Variants in LBX2 observed in about 807,000 individuals in gnomAD.
LBX2 encodes the protein ladybird homeobox 2, also known as transcription factor LBX2.
LBX2 carries 6 observed loss-of-function variants against 7.5 expected under a neutral mutation model. The observed-to-expected ratio is 0.80, with a 90% CI of 0.44 to 1.59. LBX2 has a LOEUF of 1.59. LBX2 is among the 40% of genes most tolerant of loss of function. LBX2 has a pLI of 0.01. For synonymous variants in LBX2, 143 were observed against 133.2 expected (o/e 1.07, Z -0.51); for missense variants, 281 against 282.0 (o/e 1.00, Z 0.03).
At chr2:74,502,864 C>T, upstream of LBX2, 1 of 1,591,834 alleles carries the variant, frequency 6.3e-7, no homozygotes, top group Non-Finnish European at 8.6e-7. This position sits in a 1 kb window ranked among gnomAD's most constrained non-coding sequence, Gnocchi z 5.4. Context: ...TCCCATCAAG[C>T]CCTGGGAAAG....
In LBX2 at chr2:74,498,253, C is replaced by G. The variant is rs1366518439; in HGVS notation, c.271G>C (p.Ala91Pro). 3.1e-6 allele frequency: 5 copies of G among 1,599,750 alleles called. No individual in the cohort carries two copies. Among genetic ancestry groups the G allele is most frequent in the Non-Finnish European group, 4.3e-6 (5 of 1,176,378 alleles). The change falls in exon 2 of 2, where the codon GCG (alanine) becomes CCG (proline). Residue 91 changes from alanine (A) to proline (P), a missense_variant. Coordinates refer to ENST00000377566, the MANE Select transcript of LBX2 (RefSeq NM_001282430.2). ...TCCAGCACCTGTTGCGCGGTGAACG[C>G]AGTGCGTGACTTGCGCCGTTTGCGG... ...FGRKRRKSRTAFTAQQVLELE... is the reference protein window; with the variant it reads ...FGRKRRKSRTPFTAQQVLELE...
upstream of LBX2, among the ~76,000 whole-genome samples, chr2:74,499,899 A>G (rs1287942875): frequency 6.6e-6 from 1 of 152,166 alleles, no homozygotes; most frequent in Non-Finnish European, 1.5e-5. The surrounding 1 kb of genome is among the most constrained non-coding windows in gnomAD (Gnocchi z 4.6). Flanking sequence ...CTCCCCGCCT[A>G]GCCGCCGCTC....
At chr2:74,498,521 G>A (rs541372740) in intron 1 of LBX2, among the ~76,000 whole-genome samples, 29 of 152,250 alleles carry the variant, frequency 1.9e-4, no homozygotes, top group Non-Finnish European at 3.8e-4. Context: ...CTGGCCACAG[G>A]GGTGCGAAAG....
At chr2:74,502,848 C>T (rs142834208), upstream of LBX2, 3 of 1,600,672 alleles carry the variant, frequency 1.9e-6, no homozygotes, top group African/African-American at 1.3e-5. This position sits in a 1 kb window ranked among gnomAD's most constrained non-coding sequence, Gnocchi z 5.4. Flanking sequence ...CTAGGGAAGT[C>T]CTTTTTCCCA....
chr2:74,499,703 G>C, upstream of LBX2: 1 of 675,066 alleles, frequency 1.5e-6, no homozygotes, highest in Non-Finnish European at 2.5e-6. The surrounding 1 kb of genome is among the most constrained non-coding windows in gnomAD (Gnocchi z 4.6). Context: ...CTCCACCCCG[G>C]GCCGCGGTGG....
rs372670780 is a variant in LBX2 at position 74,498,181 on chromosome 2, G to T, written c.343C>A (p.Arg115=). ...CCGAGTCGCGTAGCTAGCCCGTCTC[G>T]CTCGGACGGCGCCAGGTACTTCTGG... The part of the protein sequence containing the change: ...VFQKYLAPSE[R]DGLATRLGLA... The change falls in exon 2 of 2, where the codon CGA becomes AGA. Residue 115 remains arginine (R), a synonymous_variant. Transcript: ENST00000377566. 1 of 1,612,318 alleles carries T rather than the reference G, an allele frequency of 6.2e-7. No homozygotes were observed. Among genetic ancestry groups the T allele is most frequent in the Non-Finnish European group, 8.5e-7 (1 of 1,179,516 alleles).
chr2:74,503,202 G>C, upstream of LBX2: 1 of 255,234 alleles, frequency 3.9e-6, no homozygotes, highest in East Asian at 9.0e-5. This position sits in a 1 kb window ranked among gnomAD's most constrained non-coding sequence, Gnocchi z 5.1. Flanking sequence ...GGCACAGACG[G>C]AGACCCGAGT....
At chr2:74,502,513 C>A, upstream of LBX2, 1 of 713,628 alleles carries the variant, frequency 1.4e-6, no homozygotes, top group Non-Finnish European at 2.3e-6. This position sits in a 1 kb window ranked among gnomAD's most constrained non-coding sequence, Gnocchi z 5.4. Flanking sequence ...GTCCGTGAAC[C>A]GGAGTGAGAG....
chr2:74,502,970 CGGG>C, upstream of LBX2: 1 of 933,076 alleles, frequency 1.1e-6, no homozygotes, highest in South Asian at 1.7e-5. The surrounding 1 kb of genome is among the most constrained non-coding windows in gnomAD (Gnocchi z 5.4). Context: ...CTGGAAATGG[CGGG>C]GGTGAGGAAG....
Position 74,499,316 on chromosome 2 carries a change from C to T in LBX2, c.205+17G>A. 1 of 1,548,058 alleles carries T rather than the reference C, an allele frequency of 6.5e-7. No homozygotes were observed. Among genetic ancestry groups the T allele is most frequent in the African/African-American group, 1.4e-5 (1 of 73,136 alleles). On this transcript the variant is annotated intron_variant, in intron 1 of 1. Transcript: ENST00000377566. The surrounding 1 kb of genome is among the most constrained non-coding windows in gnomAD (Gnocchi z 4.6). ...GAAAAGGCTAAGTCAGAGTCCGCGA[C>T]CTTGCCGGCTCTATACCTTCAGAGG...
rs554088544 is a variant in LBX2, at chr2:74,497,618, G to A, written c.*309C>T. 64 of 319,792 alleles carry A rather than the reference G, an allele frequency of 2.0e-4. No individual in the cohort carries two copies. Among genetic ancestry groups the A allele is most frequent in the South Asian group, 3.7e-4 (3 of 8,058 alleles). The allele number at this position is 319,792 out of a possible 1,614,324, so 19.8% of individuals were successfully genotyped here. A position where few individuals can be genotyped will look rare whatever the true frequency, so the allele number is the denominator to read the frequency against. On this transcript the variant is annotated 3_prime_UTR_variant, in exon 2 of 2. Transcript: ENST00000377566. ...AAAAAAGTTTTTTAAATTAGCCTGG[G>A]GTGGTGCTGCACGCCTGTAATGCCA... is the stretch of plus-strand genomic sequence containing the variant.
chr2:74,499,758 G>A (rs1674446360), upstream of LBX2: 13 of 597,820 alleles, frequency 2.2e-5, no homozygotes, highest in East Asian at 3.7e-4. The surrounding 1 kb of genome is among the most constrained non-coding windows in gnomAD (Gnocchi z 4.6). Context: ...CTACAGGCTG[G>A]GGCAGGCGCG....
At position 74,498,268 on chromosome 2, in the gene LBX2, GCC is replaced by G; in HGVS notation, c.254_255del (p.Arg85ProfsTer99). 1 of 1,586,276 alleles carries G rather than the reference GCC, an allele frequency of 6.3e-7. No individual in the cohort carries two copies. The highest frequency in any genetic ancestry group is 8.5e-7 in the Non-Finnish European group (1 of 1,170,154). ...GCGGTGAACGCAGTGCGTGACTTGC[GCC>G]GTTTGCGGCCGAAGGGACCAGGGCC... ...ALGPGPFGRK[R>X]RKSRTAFTAQ... On this transcript the variant is annotated frameshift_variant, in exon 2 of 2. Transcript: ENST00000377566. LOFTEE classifies it low-confidence loss of function (END_TRUNC).
At position 74,499,276 on chromosome 2, in the gene LBX2, G is replaced by C; in HGVS notation, c.205+57C>G. The C allele has an allele frequency of 1.4e-6, 2 of 1,426,148 alleles. No homozygotes were observed. The highest frequency in any genetic ancestry group is 1.9e-6 in the Non-Finnish European group (2 of 1,034,854). 88.3% of individuals were successfully genotyped at this position (1,426,148 alleles called of 1,614,324 possible). On this transcript the variant is annotated intron_variant, in intron 1 of 1. Transcript: ENST00000377566. This position sits in a 1 kb window ranked among gnomAD's most constrained non-coding sequence, Gnocchi z 4.6. ...ACAAAGGTTTGAGACGGGGAACCAG[G>C]AGGAGAGAGGTGAGGAAAAGGCTAA... is the stretch of plus-strand genomic sequence containing the variant.
Position 74,499,143 on chromosome 2 carries a change from C to T in LBX2, c.205+190G>A, listed in dbSNP as rs535413253. On this transcript the variant is annotated intron_variant, in intron 1 of 1. Transcript: ENST00000377566. This position sits in a 1 kb window ranked among gnomAD's most constrained non-coding sequence, Gnocchi z 4.6. Reference sequence around the variant, plus strand: ...CTTGGCACTGGCGGCCTTCCGGAGCCGCCGCGGAACCTAGGGACTAACGGA... The same window carrying T: ...CTTGGCACTGGCGGCCTTCCGGAGCTGCCGCGGAACCTAGGGACTAACGGA... 1.6e-6 allele frequency: 1 copy of T among 618,224 alleles called. No homozygotes were observed. The highest frequency in any genetic ancestry group is 2.8e-5 in the East Asian group (1 of 36,226). The allele number at this position is 618,224 out of a possible 1,614,324, so 38.3% of individuals were successfully genotyped here.
At chr2:74,502,672 G>A (rs554142191), upstream of LBX2, 5 of 1,613,906 alleles carry the variant, frequency 3.1e-6, no homozygotes, top group African/African-American at 5.3e-5. This position sits in a 1 kb window ranked among gnomAD's most constrained non-coding sequence, Gnocchi z 5.4. Context: ...GTGACTTTGG[G>A]GGCGGCAGGC....
Position 74,499,344 on chromosome 2 carries a change from T to G in LBX2, c.194A>C (p.Gln65Pro). The G allele has an allele frequency of 6.4e-7, 1 of 1,550,594 alleles. No homozygotes were observed. Among genetic ancestry groups the G allele is most frequent in the Non-Finnish European group, 8.7e-7 (1 of 1,146,982 alleles). Residue 65 changes from glutamine to proline, a missense_variant, in exon 1 of 2, where the codon CAG becomes CCG. Physicochemically the swap from Gln to Pro is moderately conservative, Grantham distance 76. Transcript: ENST00000377566. The surrounding 1 kb of genome is among the most constrained non-coding windows in gnomAD (Gnocchi z 4.6). ...TFRGLDARAL[Q>P]PSEGRAGPDA... ...TGCCGGCTCTATACCTTCAGAGGGC[T>G]GCAGAGCGCGCGCGTCAAGTCCGCG... is the stretch of plus-strand genomic sequence containing the variant.
intron 1 of LBX2, 84 bp from the exon 2 acceptor site, chr2:74,498,402 C>A (rs1674409191): frequency 1.8e-6 from 2 of 1,116,400 alleles, no homozygotes; most frequent in South Asian, 1.7e-5. Flanking sequence ...GGGGTCGGGC[C>A]GGTGGCGGTG....
upstream of LBX2, chr2:74,503,100 C>G: frequency 2.1e-6 from 1 of 474,988 alleles, no homozygotes; most frequent in East Asian, 3.6e-5. This position sits in a 1 kb window ranked among gnomAD's most constrained non-coding sequence, Gnocchi z 5.1. Context: ...CTGCCGCCAC[C>G]TCTCCTTTGA....
Sources: gnomAD v4.1 joint callset for allele counts (sites outside exome capture counted in the v4.1 genomes callset) on GRCh38, gnomAD v4.1.1 for gene constraint, Gnocchi (gnomAD v3.1) non-coding constraint, MANE v1.5 for transcripts, NCBI Gene and HGNC (gene_info 2026-07-23, HGNC 2026-07-21) for gene names.